The following AOAH variants were observed in gnomAD, a reference collection of about 807,000 sequenced individuals.
AOAH encodes acyloxyacyl hydrolase, also known as acyloxyacyl hydrolase (neutrophil).
AOAH carries 64 observed loss-of-function variants against 92.2 expected under a neutral mutation model. That is an observed-to-expected ratio of 0.69 (90% confidence interval 0.57 to 0.86). The LOEUF is 0.86. Among genes scored for constraint, AOAH ranks in the 40% least tolerant of loss-of-function variants. AOAH has a pLI of 0.00. For synonymous variants in AOAH, 263 were observed against 254.5 expected (o/e 1.03, Z -0.32); for missense variants, 656 against 694.6 (o/e 0.94, Z 0.62).
At chr7:36,574,813 GATTTTCTATATTTT>G (rs1488104801) in intron 13 of AOAH, among the ~76,000 whole-genome samples, 3 of 152,138 alleles carry the variant, frequency 2.0e-5, no homozygotes, top group Non-Finnish European at 4.4e-5. Flanking sequence ...CAAACATAAT[GATTTTCTATATTTT>G]CTACCAATCT....
At chr7:36,648,940 A>G (rs1320633037) in intron 4 of AOAH, among the ~76,000 whole-genome samples, 2 of 152,248 alleles carry the variant, frequency 1.3e-5, no homozygotes, top group Admixed American at 1.3e-4. Context: ...ATTGTCAATT[A>G]TACAACGTTA....
chr7:36,690,056 G>C, intron 1 of AOAH: 2 of 369,842 alleles, frequency 5.4e-6, no homozygotes, highest in Middle Eastern at 1.2e-3. Flanking sequence ...AATGCAAAGC[G>C]AATGGGGCAG....
chr7:36,710,632 T>C (rs536725782), intron 1 of AOAH, among the ~76,000 whole-genome samples: 1 of 152,340 alleles, frequency 6.6e-6, no homozygotes, highest in South Asian at 2.1e-4. Context: ...GATAAGTGTG[T>C]GGCAATTTAT....
intron 3 of AOAH, among the ~76,000 whole-genome samples, chr7:36,662,461 T>C (rs1044687989): frequency 6.6e-6 from 1 of 152,234 alleles, no homozygotes; most frequent in African/African-American, 2.4e-5. Flanking sequence ...ATAAAGTCCA[T>C]TACCAAACTA....
At chr7:36,521,701 T>C (rs2115827483) in intron 20 of AOAH, among the ~76,000 whole-genome samples, 1 of 152,088 alleles carries the variant, frequency 6.6e-6, no homozygotes, top group East Asian at 1.9e-4. Context: ...TTGGAGTGCT[T>C]GATTTATTTT....
At chr7:36,560,086 G>T (rs1161928604) in intron 13 of AOAH, among the ~76,000 whole-genome samples, 2 of 152,120 alleles carry the variant, frequency 1.3e-5, no homozygotes, top group Non-Finnish European at 2.9e-5. Flanking sequence ...TGTACCATTG[G>T]TCTGTGTGTC....
intron 13 of AOAH, among the ~76,000 whole-genome samples, chr7:36,573,134 G>A (rs1452008127): frequency 6.6e-6 from 1 of 152,186 alleles, no homozygotes; most frequent in Non-Finnish European, 1.5e-5. Flanking sequence ...ACAATTATAT[G>A]AGGCAATCAG....
chr7:36,543,198 T>C (rs3801300), intron 15 of AOAH, among the ~76,000 whole-genome samples: 14,517 of 152,230 alleles, frequency 0.095, 766 homozygotes, highest in East Asian at 0.16. Flanking sequence ...TCCTACCTGA[T>C]AAAAACCAGC....
Position 36,676,353 on chromosome 7 carries a change from C to A in AOAH, c.224-2344G>T, listed in dbSNP as rs796650537. Among the ~76,000 whole-genome samples the A allele has an allele frequency of 1.1e-4, 16 of 152,178 alleles. 1 individual carries two copies. The highest frequency in any genetic ancestry group is 4.1e-4 in the South Asian group (2 of 4,820). On this transcript the variant is annotated intron_variant, in intron 2 of 20. Transcript: ENST00000617537. The stretch of plus-strand genomic sequence containing the variant: ...AAACTGAAATTAAGGAAAACAATTC[C>A]ATTTACAGTAGCATCAAAAAGAACT...
At chr7:36,670,806 C>T (rs571436825) in intron 3 of AOAH, among the ~76,000 whole-genome samples, 1 of 152,290 alleles carries the variant, frequency 6.6e-6, no homozygotes, top group South Asian at 2.1e-4. Flanking sequence ...ATACCTATGC[C>T]CGCTTGTCTC....
intron 11 of AOAH, among the ~76,000 whole-genome samples, chr7:36,608,909 G>A (rs1054084767): frequency 9.2e-6 from 1 of 108,842 alleles, no homozygotes; most frequent in Admixed American, 9.8e-5. Context: ...TTGCGGCGGG[G>A]AGGGGGGGGG....
At chr7:36,722,935 GA>G (rs11407908) in intron 1 of AOAH, among the ~76,000 whole-genome samples, 1,198 of 49,476 alleles carry the variant, frequency 0.024, no homozygotes, top group Middle Eastern at 0.045. Flanking sequence ...ATCCATCTCA[GA>G]AAAAAAAAAA....
intron 19 of AOAH, among the ~76,000 whole-genome samples, chr7:36,530,119 G>C (rs945558183): frequency 5.3e-5 from 8 of 152,212 alleles, no homozygotes; most frequent in Non-Finnish European, 8.8e-5. Context: ...AGGTTAGTGA[G>C]TGCATTAACC....
intron 1 of AOAH, among the ~76,000 whole-genome samples, chr7:36,694,429 T>C (rs1481720372): frequency 6.6e-6 from 1 of 151,914 alleles, no homozygotes; most frequent in African/African-American, 2.4e-5. Context: ...ACCTGGGAGG[T>C]GGAGGTTGCA....
rs199618190 is a variant in AOAH at position 36,723,335 on chromosome 7, C to CA, written c.127+686dup. ...TCTTACCTTACTTCCTGCTCTCATC[C>CA]AAAAAAAACAAACAAAAAAAACCTC... is the stretch of plus-strand genomic sequence containing the variant. On this transcript the variant is annotated intron_variant, in intron 1 of 20. Coordinates refer to ENST00000617537, the MANE Select transcript of AOAH (RefSeq NM_001637.4). Among the ~76,000 whole-genome samples, 857 of 150,970 alleles carry CA rather than the reference C, an allele frequency of 5.7e-3. 7 individuals are homozygous for CA. Among genetic ancestry groups the CA allele is most frequent in the African/African-American group, 0.02 (802 of 41,120 alleles).
rs1294534867 is a variant in AOAH, at chr7:36,579,536, T to TA, written c.939-2881_939-2880insT. Among the ~76,000 whole-genome samples, 42 of 151,810 alleles carry TA rather than the reference T, an allele frequency of 2.8e-4. 2 individuals are homozygous for TA. The highest frequency in any genetic ancestry group is 8.0e-4 in the African/African-American group (33 of 41,362). ...TGAATATATATATATATGGGGGGGT[T>TA]TTTAGTATTAACTCACACTCTCACA... is the stretch of plus-strand genomic sequence containing the variant. On this transcript the variant is annotated intron_variant, in intron 12 of 20. Transcript: ENST00000617537.
At chr7:36,533,046 A>T (rs1044052944) in intron 16 of AOAH, among the ~76,000 whole-genome samples, 6 of 152,232 alleles carry the variant, frequency 3.9e-5, no homozygotes, top group African/African-American at 1.4e-4. Flanking sequence ...ACAGAGGTAC[A>T]TAATAAAGTG....
At chr7:36,660,891 CTTCT>C (rs1158560341) in intron 3 of AOAH, among the ~76,000 whole-genome samples, 11 of 152,106 alleles carry the variant, frequency 7.2e-5, no homozygotes, top group African/African-American at 1.9e-4. Context: ...TACTTATATA[CTTCT>C]TTAAGTATAA....
At chr7:36,539,042 G>GTGTT (rs1649487706) in intron 16 of AOAH, among the ~76,000 whole-genome samples, 1 of 152,192 alleles carries the variant, frequency 6.6e-6, no homozygotes, top group Non-Finnish European at 1.5e-5. Context: ...GAGAAGTGGG[G>GTGTT]TGTTTGTCTT....
Sources: gnomAD v4.1 joint callset for allele counts (sites outside exome capture counted in the v4.1 genomes callset) on GRCh38, gnomAD v4.1.1 for gene constraint, MANE v1.5 for transcripts, NCBI Gene and HGNC (gene_info 2026-07-23, HGNC 2026-07-21) for gene names.